RPGRIP1: variants seen among roughly 807,000 people sequenced by gnomAD.
RPGRIP1 encodes RPGR interacting protein 1.
Under a neutral mutation model 157.9 loss-of-function variants are expected in RPGRIP1, and 128 were observed. That is an observed-to-expected ratio of 0.81 (90% CI 0.70 to 0.94). The LOEUF is 0.94. Ranked by LOEUF, RPGRIP1 falls within the 40% of genes least tolerant of loss-of-function variation. RPGRIP1 has a pLI of 0.00. For synonymous variants in RPGRIP1, 554 were observed against 571.6 expected, an observed-to-expected ratio of 0.97 and a Z score of 0.44; for missense variants, 1,486 against 1,545.8, an observed-to-expected ratio of 0.96 and a Z score of 0.65.
chr14:21,280,704 A>G (rs897027918), intron 1 of RPGRIP1, among the ~76,000 whole-genome samples: 2 of 151,674 alleles, frequency 1.3e-5, no homozygotes, highest in Non-Finnish European at 2.9e-5. Context: ...GATCCATCCT[A>G]TTCTTCCATC....
intron 21 of RPGRIP1, 26 bp downstream of exon 21, chr14:21,334,731 A>C (rs759452131): frequency 2.8e-5 from 39 of 1,404,470 alleles, no homozygotes; most frequent in Admixed American, 5.6e-5. Flanking sequence ...TAATCATTGC[A>C]TACGAGATAA....
At chr14:21,300,289 G>T in intron 3 of RPGRIP1, among the ~76,000 whole-genome samples, 1 of 130,056 alleles carries the variant, frequency 7.7e-6, no homozygotes, top group African/African-American at 2.8e-5. Context: ...TGGGAAACAA[G>T]AGAAAAAGTC....
intron 23 of RPGRIP1, among the ~76,000 whole-genome samples, chr14:21,345,557 C>T (rs1466248051): frequency 6.6e-6 from 1 of 151,556 alleles, no homozygotes; most frequent in Non-Finnish European, 1.5e-5. Flanking sequence ...CATGTGCCAC[C>T]ATGCCTGGCT....
intron 14 of RPGRIP1, 86 bp downstream of exon 14, chr14:21,322,090 G>A (rs1882556508): frequency 8.4e-7 from 1 of 1,194,076 alleles, no homozygotes; most frequent in Non-Finnish European, 1.2e-6. Flanking sequence ...GTCAAGAAGG[G>A]TGCCTCTCAT....
At chr14:21,322,311 C>A (rs1027632942) in intron 14 of RPGRIP1, among the ~76,000 whole-genome samples, 2 of 152,102 alleles carry the variant, frequency 1.3e-5, no homozygotes, top group African/African-American at 4.8e-5. Context: ...TTGTCCACCA[C>A]CATGCCTGGC....
chr14:21,323,309 A>G (rs1467781974), intron 14 of RPGRIP1, among the ~76,000 whole-genome samples: 2 of 151,932 alleles, frequency 1.3e-5, no homozygotes, highest in Non-Finnish European at 2.9e-5. Context: ...GTAACCCCAG[A>G]TACTTAGGAG....
At chr14:21,285,210 A>AG (rs1249628872) in intron 1 of RPGRIP1, among the ~76,000 whole-genome samples, 1 of 151,932 alleles carries the variant, frequency 6.6e-6, no homozygotes, top group Non-Finnish European at 1.5e-5. Context: ...TGGTAAGAGA[A>AG]GGGGAAGTGC....
chr14:21,305,804 T>C (rs931798169), intron 6 of RPGRIP1, among the ~76,000 whole-genome samples: 2 of 152,136 alleles, frequency 1.3e-5, no homozygotes, highest in Non-Finnish European at 2.9e-5. Context: ...GGGGTTGCAC[T>C]GGGCCAAGAT....
chr14:21,325,490 A>T, intron 16 of RPGRIP1, 107 bp downstream of exon 16: 2 of 1,099,716 alleles, frequency 1.8e-6, no homozygotes, highest in Non-Finnish European at 1.3e-6. Flanking sequence ...ATGTGAATGA[A>T]AGAGAAAACT....
Position 21,342,028 on chromosome 14 carries a change from C to T in RPGRIP1, c.3340-1008C>T, listed in dbSNP as rs192857405. ...TCGTGCCACTGCACTCCAGCCTGGG[C>T]GACAGAGGGAGACACTGTCTCAAAA... On this transcript the variant is annotated intron_variant, in intron 21 of 24. Coordinates refer to ENST00000400017, the MANE Select transcript of RPGRIP1 (RefSeq NM_020366.4). Among the ~76,000 whole-genome samples, 430 of 147,444 alleles carry T rather than the reference C, an allele frequency of 2.9e-3. 7 individuals carry two copies. Among genetic ancestry groups the T allele is most frequent in the Non-Finnish European group, 7.0e-4 (47 of 67,360 alleles).
chr14:21,315,080 A>T (rs1881715562), intron 10 of RPGRIP1, among the ~76,000 whole-genome samples: 2 of 152,112 alleles, frequency 1.3e-5, no homozygotes, highest in Non-Finnish European at 2.9e-5. Flanking sequence ...GATACTCAGA[A>T]GGCTGAGGCA....
intron 21 of RPGRIP1, among the ~76,000 whole-genome samples, chr14:21,341,010 G>T (rs1330025064): frequency 1.3e-5 from 2 of 152,102 alleles, no homozygotes; most frequent in Non-Finnish European, 2.9e-5. Context: ...TTATGGGAGG[G>T]TTATTAAGAG....
At chr14:21,322,170 G>A (rs1489868207) in intron 14 of RPGRIP1, among the ~76,000 whole-genome samples, 166 bp downstream of exon 14, 3 of 151,092 alleles carry the variant, frequency 2.0e-5, no homozygotes, top group African/African-American at 7.3e-5. Flanking sequence ...TTGCTTGTTT[G>A]CTTTTGAGAT....
intron 21 of RPGRIP1, among the ~76,000 whole-genome samples, chr14:21,337,929 TG>T (rs929692092): frequency 6.6e-6 from 1 of 151,578 alleles, no homozygotes; most frequent in Non-Finnish European, 1.5e-5. Flanking sequence ...CTAATTTTTT[TG>T]TTTTGAGACC....
intron 23 of RPGRIP1, among the ~76,000 whole-genome samples, chr14:21,345,618 T>C (rs1259382673): frequency 1.3e-5 from 2 of 152,022 alleles, no homozygotes; most frequent in Non-Finnish European, 2.9e-5. Context: ...TGCTCATGTC[T>C]GGTCTTGAAC....
chr14:21,320,273 A>G, intron 12 of RPGRIP1, 96 bp downstream of exon 12: 1 of 1,169,036 alleles, frequency 8.6e-7, no homozygotes, highest in South Asian at 1.4e-5. Flanking sequence ...TAACTAAATA[A>G]TATTTTGTCC....
At chr14:21,297,187 C>T (rs1446143509) in intron 3 of RPGRIP1, among the ~76,000 whole-genome samples, 3 of 152,008 alleles carry the variant, frequency 2.0e-5, no homozygotes, top group East Asian at 1.9e-4. Context: ...CTCTGCCTCC[C>T]GGGTTCAAGT....
chr14:21,308,363 C>CA (rs1472947969), intron 7 of RPGRIP1, among the ~76,000 whole-genome samples: 4 of 152,176 alleles, frequency 2.6e-5, no homozygotes, highest in Non-Finnish European at 5.9e-5. Flanking sequence ...AGGTCAGCAC[C>CA]ATCCTTTTAT....
intron 14 of RPGRIP1, among the ~76,000 whole-genome samples, chr14:21,322,591 TG>T (rs1156787020): frequency 6.6e-6 from 1 of 152,222 alleles, no homozygotes; most frequent in Non-Finnish European, 1.5e-5. Context: ...TGAGTATCAC[TG>T]TTGGCTCTCA....
Sources: allele counts gnomAD v4.1 joint callset (sites outside exome capture counted in the v4.1 genomes callset), GRCh38; gene constraint gnomAD v4.1.1; transcripts MANE v1.5; gene names NCBI Gene and HGNC (gene_info 2026-07-23, HGNC 2026-07-21).